Variants in CACNA1E observed in about 807,000 individuals in gnomAD.
The protein encoded by CACNA1E is calcium voltage-gated channel subunit alpha1 E.
A neutral mutation model predicts 259.2 loss-of-function variants in CACNA1E; 40 were observed. That is an observed-to-expected ratio of 0.15 (90% CI 0.12 to 0.20). CACNA1E has a LOEUF of 0.20. Among genes scored for constraint, CACNA1E ranks in the 10% least tolerant of loss-of-function variants. CACNA1E has a pLI of 1.00. For missense variants in CACNA1E, 1,874 were observed against 3,040.1 expected, an observed-to-expected ratio of 0.62 and a Z score of 9.02; for synonymous variants, 1,104 against 1,138.5, an observed-to-expected ratio of 0.97 and a Z score of 0.61.
chr1:181,444,784 A>AAGATCAGG (rs1660702914), intron 2 of CACNA1E, among the ~76,000 whole-genome samples: 1 of 152,146 alleles, frequency 6.6e-6, no homozygotes, highest in Admixed American at 6.6e-5. Context: ...AGCAGCCAGC[A>AAGATCAGG]AGCTCAGGAG....
intron 1 of CACNA1E, among the ~76,000 whole-genome samples, chr1:181,385,318 T>G (rs918230816): frequency 6.6e-6 from 1 of 152,216 alleles, no homozygotes; most frequent in Non-Finnish European, 1.5e-5. Context: ...AAACAGGCAG[T>G]GAATTGGTTC....
In CACNA1E at chr1:181,793,748, A is replaced by T. The variant is rs770307333; in HGVS notation, c.5982A>T (p.Gly1994=). 8 of 1,611,624 alleles carry T rather than the reference A, an allele frequency of 5.0e-6. No homozygotes were observed. The Admixed American group carries it at 1.2e-4, about 24-fold the overall frequency. The change falls in exon 45 of 48, where the codon GGA becomes GGT. Residue 1994 remains glycine (G), a synonymous_variant. Coordinates refer to ENST00000367573, the MANE Select transcript of CACNA1E (RefSeq NM_001205293.3). ...CTTCGGACACCCAGGAGCATGCGGG[A>T]TCTGGGAGGGCATCTTCTATGCCAC... ...YLPSDTQEHA[G]SGRASSMPRL...
At chr1:181,628,260 C>G (rs1656384873) in intron 6 of CACNA1E, among the ~76,000 whole-genome samples, 1 of 152,166 alleles carries the variant, frequency 6.6e-6, no homozygotes, top group Non-Finnish European at 1.5e-5. Flanking sequence ...CACTCAGGGA[C>G]CTTATGAGAC....
intron 40 of CACNA1E, 37 bp downstream of exon 40, chr1:181,783,821 A>G: frequency 7.5e-7 from 1 of 1,327,554 alleles, no homozygotes. Context: ...GGAAGGAGGA[A>G]TTCTGGAACA....
rs576204252 is a variant in CACNA1E at position 181,609,162 on chromosome 1, AT to A, written c.951+28389del. Among the ~76,000 whole-genome samples the A allele has an allele frequency of 1.9e-4, 29 of 152,356 alleles. No individual in the cohort carries two copies. The South Asian group carries it at 6.0e-3, about 32-fold the overall frequency. On this transcript the variant is annotated intron_variant, in intron 6 of 47. Transcript: ENST00000367573. ...TACCTTTGTTGTAATGCCAATTCTT[AT>A]TTAATGTCTGCCAAACACAAAAGGT... is the stretch of plus-strand genomic sequence containing the variant.
chr1:181,679,483 G>A (rs1217589435), intron 7 of CACNA1E, among the ~76,000 whole-genome samples: 1 of 152,216 alleles, frequency 6.6e-6, no homozygotes, highest in Non-Finnish European at 1.5e-5. Context: ...CTCCTGGGCA[G>A]CCAGGGGGCA....
At chr1:181,507,437 A>G (rs1056944127) in intron 1 of CACNA1E, among the ~76,000 whole-genome samples, 2 of 152,166 alleles carry the variant, frequency 1.3e-5, no homozygotes, top group Non-Finnish European at 2.9e-5. Flanking sequence ...CCTTATAGGG[A>G]GCAATATACT....
chr1:181,345,487 G>A (rs1652520561), intron 1 of CACNA1E, among the ~76,000 whole-genome samples: 1 of 152,194 alleles, frequency 6.6e-6, no homozygotes, highest in Admixed American at 6.5e-5. Flanking sequence ...CTACCGAGAA[G>A]GCTCTAGGCC....
At chr1:181,615,806 T>G (rs1238077984) in intron 6 of CACNA1E, among the ~76,000 whole-genome samples, 4 of 152,238 alleles carry the variant, frequency 2.6e-5, no homozygotes, top group Non-Finnish European at 5.9e-5. Flanking sequence ...GGAATTCTTA[T>G]CTCATTCACA....
intron 25 of CACNA1E, among the ~76,000 whole-genome samples, chr1:181,748,209 GC>G (rs970614927): frequency 8.5e-5 from 13 of 152,072 alleles, no homozygotes; most frequent in African/African-American, 2.7e-4. Context: ...GTGACAAATA[GC>G]CCCCCCAGTG....
At chr1:181,320,416 C>T (rs1356154245) in intron 1 of CACNA1E, among the ~76,000 whole-genome samples, 3 of 152,180 alleles carry the variant, frequency 2.0e-5, no homozygotes, top group Admixed American at 6.5e-5. Context: ...AGCTAAGTTC[C>T]TGCAGGGCCT....
intron 6 of CACNA1E, among the ~76,000 whole-genome samples, chr1:181,592,977 C>T (rs1652807763): frequency 6.6e-6 from 1 of 151,972 alleles, no homozygotes; most frequent in Non-Finnish European, 1.5e-5. Flanking sequence ...TGCCATAAGC[C>T]CCATGATTGC....
chr1:181,318,065 C>T (rs1650031579), exon 1 of CACNA1E: 2 of 149,752 alleles, frequency 1.3e-5, no homozygotes, highest in African/African-American at 2.4e-5. Context: ...AGTGATGTCT[C>T]GGGAATACTA....
chr1:181,396,492 G>C (rs1172007265), intron 1 of CACNA1E, among the ~76,000 whole-genome samples: 1 of 152,174 alleles, frequency 6.6e-6, no homozygotes, highest in Non-Finnish European at 1.5e-5. Flanking sequence ...AGGGATGGGA[G>C]GAGGAGAACT....
chr1:181,588,734 A>G (rs1652338956), intron 6 of CACNA1E, among the ~76,000 whole-genome samples: 1 of 152,158 alleles, frequency 6.6e-6, no homozygotes, highest in African/African-American at 2.4e-5. Context: ...ATGCGGTTTA[A>G]TTTCTAATCC....
intron 2 of CACNA1E, among the ~76,000 whole-genome samples, chr1:181,474,993 A>T (rs1223391158): frequency 6.6e-6 from 1 of 152,152 alleles, no homozygotes; most frequent in African/African-American, 2.4e-5. Flanking sequence ...ATCTGGGTTG[A>T]TGTCCACTCA....
At chr1:181,414,325 T>A (rs945461818) in intron 2 of CACNA1E, among the ~76,000 whole-genome samples, 2 of 152,234 alleles carry the variant, frequency 1.3e-5, no homozygotes, top group African/African-American at 4.8e-5. Context: ...ATTGTTGACT[T>A]GCTAGATGTC....
intron 6 of CACNA1E, among the ~76,000 whole-genome samples, chr1:181,598,096 A>G (rs1653376065): frequency 6.6e-6 from 1 of 152,226 alleles, no homozygotes; most frequent in Non-Finnish European, 1.5e-5. Flanking sequence ...TGTGAGCTAG[A>G]AAAGCCCAGG....
chr1:181,373,365 G>T (rs568709108), intron 1 of CACNA1E, among the ~76,000 whole-genome samples: 1 of 152,134 alleles, frequency 6.6e-6, no homozygotes, highest in South Asian at 2.1e-4. Context: ...ATCTTGGAAG[G>T]TTGTATGTTT....
Sources: allele counts gnomAD v4.1 joint callset (sites outside exome capture counted in the v4.1 genomes callset), GRCh38; gene constraint gnomAD v4.1.1; transcripts MANE v1.5; gene names NCBI Gene and HGNC (gene_info 2026-07-23, HGNC 2026-07-21).